The following SKI variants were observed in gnomAD, a reference collection of about 807,000 sequenced individuals.
The protein encoded by SKI is ski oncogene.
In SKI, 23 loss-of-function variants were observed where a neutral mutation model predicts 59.3. The observed-to-expected ratio is 0.39, with a 90% CI of 0.28 to 0.55. SKI has a LOEUF of 0.55. Ranked by LOEUF, SKI falls within the 20% of genes least tolerant of loss-of-function variation. SKI has a pLI of 0.67. For missense variants in SKI, 1,017 were observed against 1,038.9 expected (o/e 0.98, Z 0.29); for synonymous variants, 673 against 488.6 (o/e 1.38, Z -4.98).
intron 1 of SKI, among the ~76,000 whole-genome samples, chr1:2,301,522 G>A (rs1367616717): frequency 3.3e-5 from 5 of 152,158 alleles, no homozygotes; most frequent in Non-Finnish European, 7.4e-5. Context: ...GGGTGCACGT[G>A]CTGCAGGGGA....
At position 2,280,083 on chromosome 1, in the gene SKI, C is replaced by T. The variant is rs538857368; in HGVS notation, c.970-22895C>T. ...CTGAACCCCCTCTGGAAGGTCTGAC[C>T]ACGGGCTGGGTGTGGTGGCTCATGC... On this transcript the variant is annotated intron_variant, in intron 1 of 6. Transcript: ENST00000378536. Among the ~76,000 whole-genome samples the T allele has an allele frequency of 3.6e-4, 55 of 152,188 alleles. 1 individual carries two copies. Among genetic ancestry groups the T allele is most frequent in the Admixed American group, 2.2e-3 (34 of 15,294 alleles).
chr1:2,270,300 G>A lies in SKI; in HGVS notation c.970-32678G>A, dbSNP rs990602263. On this transcript the variant is annotated intron_variant, in intron 1 of 6. Transcript: ENST00000378536. The surrounding 1 kb of genome is among the most constrained non-coding windows in gnomAD (Gnocchi z 4.1). Reference sequence around the variant, plus strand: ...TCCTCCCTGCGGGCCTGGCATGGGAGTAGGGGCTGAGAGATGCTGGTGACA... The same window carrying A: ...TCCTCCCTGCGGGCCTGGCATGGGAATAGGGGCTGAGAGATGCTGGTGACA... Among the ~76,000 whole-genome samples, 1 of 152,236 alleles carries A rather than the reference G, an allele frequency of 6.6e-6. No individual in the cohort carries two copies. Among genetic ancestry groups the A allele is most frequent in the African/African-American group, 2.4e-5 (1 of 41,464 alleles).
chr1:2,273,528 C>T (rs1639674272), intron 1 of SKI, among the ~76,000 whole-genome samples: 1 of 152,184 alleles, frequency 6.6e-6, no homozygotes, highest in Non-Finnish European at 1.5e-5. Context: ...GCCTCTGTTA[C>T]TGAGCTTGAG....
chr1:2,286,718 G>T (rs1305916444), intron 1 of SKI, among the ~76,000 whole-genome samples: 1 of 152,250 alleles, frequency 6.6e-6, no homozygotes, highest in Non-Finnish European at 1.5e-5. Flanking sequence ...CAGACTGCGT[G>T]TGGGGGCTGT....
At chr1:2,240,137 C>A (rs1366346006) in intron 1 of SKI, among the ~76,000 whole-genome samples, 1 of 152,226 alleles carries the variant, frequency 6.6e-6, no homozygotes, top group African/African-American at 2.4e-5. Flanking sequence ...GCCCCAAGGG[C>A]TGAGGGAGGT....
chr1:2,274,695 G>T (rs1639703324), intron 1 of SKI, among the ~76,000 whole-genome samples: 1 of 152,222 alleles, frequency 6.6e-6, no homozygotes. Context: ...ATGACAGTTG[G>T]TTGATGGGAC....
At chr1:2,271,295 A>G (rs1057317808) in intron 1 of SKI, among the ~76,000 whole-genome samples, 4 of 151,920 alleles carry the variant, frequency 2.6e-5, no homozygotes, top group African/African-American at 7.3e-5. Flanking sequence ...CCCTCAGAAG[A>G]GTCTGCTCGG....
Position 2,303,535 on chromosome 1 carries a change from G to T in SKI, c.1211+135G>T. 1 of 804,688 alleles carries T rather than the reference G, an allele frequency of 1.2e-6. No homozygotes were observed. Among genetic ancestry groups the T allele is most frequent in the Non-Finnish European group, 2.0e-6 (1 of 503,302 alleles). 49.8% of individuals were successfully genotyped at this position (804,688 alleles called of 1,614,324 possible). On this transcript the variant is annotated intron_variant, in intron 3 of 6. Transcript: ENST00000378536. The surrounding 1 kb of genome is among the most constrained non-coding windows in gnomAD (Gnocchi z 5.6). ...TTTTGGTCAGGGCAGTCTCGGTGTT[G>T]GTTCCTTTGGCTGGCATCAGGGAGA...
chr1:2,230,841 A>G (rs1296327072), intron 1 of SKI, among the ~76,000 whole-genome samples: 1 of 152,178 alleles, frequency 6.6e-6, no homozygotes, highest in African/African-American at 2.4e-5. Flanking sequence ...ATCTGTGAAT[A>G]GATGCTCCAG....
At chr1:2,240,319 C>T (rs1441423190) in intron 1 of SKI, among the ~76,000 whole-genome samples, 1 of 152,198 alleles carries the variant, frequency 6.6e-6, no homozygotes, top group African/African-American at 2.4e-5. Flanking sequence ...GGAGGGAGTC[C>T]TGGGCCTGGA....
chr1:2,254,823 T>C lies in SKI; in HGVS notation c.969+25088T>C, dbSNP rs1006359904. On this transcript the variant is annotated intron_variant, in intron 1 of 6. Transcript: ENST00000378536. Reference sequence around the variant, plus strand: ...CACCTGAGGCGTGCAGCCCCCCTGCTGCACACCTATGGGGTCCCTGCGGTC... The same window carrying C: ...CACCTGAGGCGTGCAGCCCCCCTGCCGCACACCTATGGGGTCCCTGCGGTC... 2.0e-5 allele frequency among the ~76,000 whole-genome samples: 3 copies of C among 152,230 alleles called. No individual in the cohort carries two copies. The South Asian group carries it at 6.2e-4, about 31-fold the overall frequency.
intron 1 of SKI, among the ~76,000 whole-genome samples, chr1:2,271,187 A>G (rs544864758): frequency 6.6e-6 from 1 of 152,180 alleles, no homozygotes; most frequent in South Asian, 2.1e-4. Flanking sequence ...CCTGAGAAGC[A>G]CAGAGGCCTG....
chr1:2,283,943 G>A (rs959325149), intron 1 of SKI, among the ~76,000 whole-genome samples: 3 of 152,172 alleles, frequency 2.0e-5, no homozygotes, highest in Admixed American at 6.5e-5. Flanking sequence ...TGCAGGAGGC[G>A]GGGAGGTGCT....
chr1:2,228,946 G>T lies in SKI; in HGVS notation c.180G>T (p.Val60=). Residue 60 remains valine, a synonymous_variant, in exon 1 of 7, where the codon GTG becomes GTT. Transcript: ENST00000378536. ...CCAAGGAGGCGGGCGCGGCCGCGGT[G>T]CCGGCGCCGGTGCCCGCAGCCACCG... ...ESAKEAGAAA[V]PAPVPAATEP... 1 of 1,394,206 alleles carries T rather than the reference G, an allele frequency of 7.2e-7. No individual in the cohort carries two copies. The highest frequency in any genetic ancestry group is 9.3e-7 in the Non-Finnish European group (1 of 1,074,676). 86.4% of individuals were successfully genotyped at this position (1,394,206 alleles called of 1,614,324 possible).
chr1:2,302,505 C>T (rs970555425), intron 1 of SKI, among the ~76,000 whole-genome samples: 5 of 152,252 alleles, frequency 3.3e-5, no homozygotes, highest in Admixed American at 6.5e-5. Context: ...ACGCATCCGT[C>T]GTGAGTGGCT....
intron 1 of SKI, among the ~76,000 whole-genome samples, chr1:2,292,742 G>T (rs911420512): frequency 6.6e-6 from 1 of 152,242 alleles, no homozygotes; most frequent in Non-Finnish European, 1.5e-5. Flanking sequence ...CCCTGCTGGG[G>T]AGGACGTGAG....
intron 1 of SKI, among the ~76,000 whole-genome samples, chr1:2,293,719 T>A (rs6702400): frequency 0.16 from 23,927 of 152,138 alleles, 2,263 homozygotes; most frequent in East Asian, 0.4. Context: ...CTGTCTGGGA[T>A]CCCCGTGCAA....
intron 1 of SKI, among the ~76,000 whole-genome samples, chr1:2,297,436 C>T (rs1371167260): frequency 6.6e-6 from 1 of 152,194 alleles, no homozygotes; most frequent in Non-Finnish European, 1.5e-5. Flanking sequence ...CTGTGGGCGG[C>T]CTCTTGGGAA....
At chr1:2,240,904 C>A in intron 1 of SKI, 1 of 645,858 alleles carries the variant, frequency 1.5e-6, no homozygotes, top group Non-Finnish European at 1.9e-6. Context: ...GACCCCAATC[C>A]TCCTCAGCTG....
Sources: allele counts gnomAD v4.1 joint callset (sites outside exome capture counted in the v4.1 genomes callset), GRCh38; gene constraint gnomAD v4.1.1; non-coding constraint Gnocchi (gnomAD v3.1); transcripts MANE v1.5; gene names NCBI Gene and HGNC (gene_info 2026-07-23, HGNC 2026-07-21).